Variants in TRPM1 observed in about 807,000 individuals in gnomAD.
TRPM1 encodes the protein transient receptor potential cation channel subfamily M member 1.
A neutral mutation model predicts 149.4 loss-of-function variants in TRPM1; 113 were observed. The observed-to-expected ratio is 0.76, with a 90% confidence interval of 0.65 to 0.88. The LOEUF is 0.88. TRPM1 is among the 40% of genes least tolerant of loss of function. TRPM1 has a pLI of 0.00. For synonymous variants in TRPM1, 741 were observed against 759.5 expected (o/e 0.98, Z 0.40); for missense variants, 1,976 against 2,038.7 (o/e 0.97, Z 0.59).
chr15:31,158,021 C>T (rs931161414), intron 1 of TRPM1, among the ~76,000 whole-genome samples: 5 of 152,020 alleles, frequency 3.3e-5, no homozygotes, highest in Admixed American at 3.3e-4. Flanking sequence ...TGAAAACAGC[C>T]CACTGTATGC....
chr15:31,104,806 G>C (rs774741434), upstream of TRPM1, among the ~76,000 whole-genome samples: 3 of 152,016 alleles, frequency 2.0e-5, no homozygotes, highest in African/African-American at 7.3e-5. Context: ...GTGTTGGCCA[G>C]GATGGTCTCA....
At chr15:31,028,204 G>T in intron 25 of TRPM1, 128 bp downstream of exon 25, 2 of 1,162,452 alleles carry the variant, frequency 1.7e-6, no homozygotes, top group Non-Finnish European at 2.5e-6. Flanking sequence ...TGCAAAAATT[G>T]GATCTACTTA....
intron 18 of TRPM1, among the ~76,000 whole-genome samples, chr15:31,039,841 GT>G (rs1482342635): frequency 2.0e-5 from 3 of 152,162 alleles, no homozygotes; most frequent in Non-Finnish European, 4.4e-5. Flanking sequence ...TGTGGCAGGG[GT>G]TTGTGCAGCC....
At chr15:31,110,158 T>C (rs1384666765) in intron 1 of TRPM1, among the ~76,000 whole-genome samples, 5 of 152,238 alleles carry the variant, frequency 3.3e-5, no homozygotes, top group Admixed American at 3.3e-4. Flanking sequence ...CTACTACTAC[T>C]AGCTTAGTAC....
At chr15:31,113,017 C>A (rs569589517) in intron 1 of TRPM1, among the ~76,000 whole-genome samples, 1 of 152,180 alleles carries the variant, frequency 6.6e-6, no homozygotes, top group South Asian at 2.1e-4. Context: ...GGTAAGTGTT[C>A]CGTGTTGGAG....
intron 1 of TRPM1, among the ~76,000 whole-genome samples, chr15:31,129,284 C>T (rs1389472170): frequency 6.6e-6 from 1 of 152,222 alleles, no homozygotes; most frequent in Admixed American, 6.5e-5. Flanking sequence ...GTGCCAGTGC[C>T]ACAGCAACAG....
At chr15:31,114,993 G>T (rs1272686338) in intron 1 of TRPM1, among the ~76,000 whole-genome samples, 2 of 152,250 alleles carry the variant, frequency 1.3e-5, no homozygotes, top group Non-Finnish European at 2.9e-5. Context: ...TGTGGCTCAT[G>T]CCTGTAATCC....
chr15:31,068,077 A>T lies in TRPM1; in HGVS notation c.295T>A (p.Tyr99Asn). 1.2e-6 allele frequency: 2 copies of T among 1,614,156 alleles called. No individual in the cohort carries two copies. Among genetic ancestry groups the T allele is most frequent in the Non-Finnish European group, 1.7e-6 (2 of 1,179,986 alleles). ...SNKAMYIRVS[Y>N]DTKPDSLLHL... ...AGCAGTGAGTCTGGCTTGGTGTCAT[A>T]GGATACACGGATATACTGTGAAAGA... The change falls in exon 5 of 28, where the codon TAT becomes AAT. Residue 99 changes from tyrosine (Y) to asparagine (N), a missense_variant. Physicochemically the swap from Tyr to Asn is moderately radical, Grantham distance 143. Transcript: ENST00000256552.
chr15:31,098,436 A>G (rs1434999690), intron 1 of TRPM1, among the ~76,000 whole-genome samples: 1 of 152,190 alleles, frequency 6.6e-6, no homozygotes, highest in Non-Finnish European at 1.5e-5. Flanking sequence ...TCACACACAC[A>G]CAAAAATAAT....
At chr15:31,055,891 T>G (rs2034069510) in intron 11 of TRPM1, among the ~76,000 whole-genome samples, 2 of 151,746 alleles carry the variant, frequency 1.3e-5, no homozygotes, top group Admixed American at 6.6e-5. Context: ...AAACCCAAAA[T>G]GAACAAAAAG....
intron 27 of TRPM1, among the ~76,000 whole-genome samples, chr15:31,009,940 G>A (rs145471900): frequency 2.3e-3 from 350 of 152,144 alleles, no homozygotes; most frequent in African/African-American, 7.3e-3. Context: ...AGTTTCCAGA[G>A]CCTTTGCAAT....
At chr15:31,027,733 T>C (rs957388498) in intron 25 of TRPM1, among the ~76,000 whole-genome samples, 2 of 152,252 alleles carry the variant, frequency 1.3e-5, no homozygotes, top group African/African-American at 2.4e-5. Context: ...AATTCTAAGA[T>C]TGCATATTTC....
intron 27 of TRPM1, among the ~76,000 whole-genome samples, chr15:31,008,541 CT>C (rs2032074504): frequency 6.6e-6 from 1 of 152,092 alleles, no homozygotes; most frequent in Admixed American, 6.5e-5. Context: ...CTGGGATAAA[CT>C]ACCTGATCGT....
At chr15:31,096,587 C>T (rs2035390811) in intron 1 of TRPM1, among the ~76,000 whole-genome samples, 2 of 152,242 alleles carry the variant, frequency 1.3e-5, no homozygotes, top group African/African-American at 4.8e-5. Flanking sequence ...TGTTAAGGAG[C>T]TCCCCTCATT....
chr15:31,061,542 G>A, intron 9 of TRPM1, 28 bp from the exon 10 acceptor site: 2 of 1,608,476 alleles, frequency 1.2e-6, no homozygotes, highest in Non-Finnish European at 1.7e-6. Flanking sequence ...CTGAATTAAA[G>A]CCAAGTTGAA....
chr15:31,023,967 G>A (rs2032634114), intron 27 of TRPM1, among the ~76,000 whole-genome samples: 1 of 152,176 alleles, frequency 6.6e-6, no homozygotes, highest in South Asian at 2.1e-4. Flanking sequence ...TTTGGTTTCT[G>A]CACAGAAGCA....
chr15:31,018,305 C>T (rs2032441315), intron 27 of TRPM1, among the ~76,000 whole-genome samples: 1 of 152,062 alleles, frequency 6.6e-6, no homozygotes, highest in African/African-American at 2.4e-5. Flanking sequence ...CCCGCCTCGG[C>T]CTCCCAAAGT....
At chr15:31,146,254 T>C (rs2036223410) in intron 1 of TRPM1, among the ~76,000 whole-genome samples, 1 of 152,234 alleles carries the variant, frequency 6.6e-6, no homozygotes, top group Admixed American at 6.5e-5. Context: ...GAGGATACCA[T>C]AACCTGTGAG....
chr15:31,124,564 T>A (rs1596087248), intron 1 of TRPM1, among the ~76,000 whole-genome samples: 1 of 142,788 alleles, frequency 7.0e-6, no homozygotes, highest in Admixed American at 7.3e-5. Flanking sequence ...TGAGGCAGGA[T>A]AATAGATGGA....
Sources: gnomAD v4.1 joint callset for allele counts (sites outside exome capture counted in the v4.1 genomes callset) on GRCh38, gnomAD v4.1.1 for gene constraint, MANE v1.5 for transcripts, NCBI Gene and HGNC (gene_info 2026-07-23, HGNC 2026-07-21) for gene names.